Variants in SYNDIG1L observed in about 807,000 individuals in gnomAD.
The protein encoded by SYNDIG1L is synapse differentiation-inducing gene protein 1-like.
Under a neutral mutation model 20.1 loss-of-function variants are expected in SYNDIG1L, and 13 were observed. That is an observed-to-expected ratio of 0.65 (90% CI 0.42 to 1.03). SYNDIG1L has a LOEUF of 1.03. Among genes scored for constraint, SYNDIG1L ranks in the 50% least tolerant of loss-of-function variants. SYNDIG1L has a pLI of 0.00. For missense variants in SYNDIG1L, 294 were observed against 305.1 expected, an observed-to-expected ratio of 0.96 and a Z score of 0.27; for synonymous variants, 128 against 129.3, an observed-to-expected ratio of 0.99 and a Z score of 0.07.
the SYNDIG1L span, among the ~76,000 whole-genome samples, chr14:74,451,629 G>C: frequency 1.3e-5 from 2 of 152,292 alleles, no homozygotes; most frequent in Admixed American, 6.5e-5. Flanking sequence ...AGAACAAAAA[G>C]ATAAGCCATT....
intron 1 of SYNDIG1L, among the ~76,000 whole-genome samples, chr14:74,415,060 G>T (rs1054172596): frequency 5.9e-5 from 9 of 152,164 alleles, no homozygotes; most frequent in African/African-American, 2.2e-4. Context: ...AAACCTCAGG[G>T]CTGGGGGTGA....
At chr14:74,479,265 G>C in the SYNDIG1L span, 6 of 152,272 alleles carry the variant, frequency 3.9e-5, no homozygotes, top group Admixed American at 1.3e-4. Flanking sequence ...GAAATCCAAG[G>C]GTCTAGTGAA....
At chr14:74,420,260 G>T (rs190733525) in intron 1 of SYNDIG1L, among the ~76,000 whole-genome samples, 2 of 152,062 alleles carry the variant, frequency 1.3e-5, no homozygotes, top group Admixed American at 6.5e-5. Flanking sequence ...ACCAGGTGTG[G>T]TGGCGTGCAC....
chr14:74,450,220 A>C, the SYNDIG1L span, among the ~76,000 whole-genome samples: 1 of 152,154 alleles, frequency 6.6e-6, no homozygotes, highest in South Asian at 2.1e-4. Context: ...TTGAATTTGC[A>C]GTTAAAAATC....
At chr14:74,419,348 C>A (rs1284646965) in intron 1 of SYNDIG1L, among the ~76,000 whole-genome samples, 2 of 152,194 alleles carry the variant, frequency 1.3e-5, no homozygotes, top group Non-Finnish European at 2.9e-5. Flanking sequence ...TTGCTCCTCC[C>A]TGCATTCCCT....
At chr14:74,422,371 G>A (rs2086229373) in intron 1 of SYNDIG1L, among the ~76,000 whole-genome samples, 1 of 152,114 alleles carries the variant, frequency 6.6e-6, no homozygotes, top group Admixed American at 6.5e-5. Flanking sequence ...CATATGAGAT[G>A]CCAGCTGAGT....
At chr14:74,426,298 G>A (rs964642256), upstream of SYNDIG1L, among the ~76,000 whole-genome samples, 2 of 152,090 alleles carry the variant, frequency 1.3e-5, no homozygotes, top group Admixed American at 1.3e-4. Context: ...TCCCTTCCAC[G>A]CTCCGGAATC....
intron 1 of SYNDIG1L, among the ~76,000 whole-genome samples, chr14:74,421,179 G>A (rs1181476838): frequency 6.6e-6 from 1 of 152,068 alleles, no homozygotes; most frequent in Non-Finnish European, 1.5e-5. Flanking sequence ...ACAATAACAG[G>A]CTGCTATGAA....
At chr14:74,458,587 A>T in the SYNDIG1L span, among the ~76,000 whole-genome samples, 5 of 144,604 alleles carry the variant, frequency 3.5e-5, no homozygotes, top group East Asian at 1.0e-3. Flanking sequence ...GCACCATTGC[A>T]CTCCAGCCCA....
chr14:74,453,908 G>A, the SYNDIG1L span, among the ~76,000 whole-genome samples: 1 of 152,174 alleles, frequency 6.6e-6, no homozygotes, highest in Non-Finnish European at 1.5e-5. Context: ...GGAGGTTGCA[G>A]TGAGCTGAGA....
At chr14:74,422,655 A>G (rs1329343213) in intron 1 of SYNDIG1L, among the ~76,000 whole-genome samples, 1 of 138,298 alleles carries the variant, frequency 7.2e-6, no homozygotes, top group African/African-American at 2.6e-5. Flanking sequence ...CTCTCTCTTC[A>G]CACACACACA....
At chr14:74,450,452 T>A in the SYNDIG1L span, among the ~76,000 whole-genome samples, 1 of 152,190 alleles carries the variant, frequency 6.6e-6, no homozygotes, top group Admixed American at 6.5e-5. Context: ...TTTAGCAAGT[T>A]GAATTCAACA....
At chr14:74,427,552 C>T (rs1443704478), upstream of SYNDIG1L, among the ~76,000 whole-genome samples, 2 of 152,072 alleles carry the variant, frequency 1.3e-5, no homozygotes, top group South Asian at 2.1e-4. Context: ...CAGAGAACTC[C>T]CTTATCCTGG....
the SYNDIG1L span, among the ~76,000 whole-genome samples, chr14:74,434,040 G>A: frequency 3.7e-3 from 568 of 152,120 alleles, 3 homozygotes; most frequent in African/African-American, 0.013. Flanking sequence ...AAAAAAGCAG[G>A]TTACAAAATT....
upstream of SYNDIG1L, among the ~76,000 whole-genome samples, chr14:74,430,412 A>G (rs1286929666): frequency 1.3e-5 from 2 of 150,994 alleles, no homozygotes; most frequent in African/African-American, 4.9e-5. Context: ...ATGGTAACAA[A>G]ATGAAAATGA....
chr14:74,432,003 C>T, the SYNDIG1L span, among the ~76,000 whole-genome samples: 1 of 152,046 alleles, frequency 6.6e-6, no homozygotes, highest in Non-Finnish European at 1.5e-5. Flanking sequence ...GGGAGCACCA[C>T]CCTGGGGGCT....
intron 1 of SYNDIG1L, among the ~76,000 whole-genome samples, chr14:74,420,136 C>G (rs1371174780): frequency 6.6e-6 from 1 of 152,020 alleles, no homozygotes; most frequent in Non-Finnish European, 1.5e-5. Context: ...GTGGCTCACA[C>G]CTGCAATCCC....
rs149991776 is a variant in SYNDIG1L at position 74,421,158 on chromosome 14, G to A, written c.-58+4754C>T. On this transcript the variant is annotated intron_variant, in intron 1 of 3. Coordinates refer to ENST00000331628, the MANE Select transcript of SYNDIG1L (RefSeq NM_001105579.2). ...CCTCAGGCAGATATAAAAGAACACT[G>A]CATCTATGAAACAATAACAGGCTGC... Among the ~76,000 whole-genome samples the A allele has an allele frequency of 1.9e-3, 284 of 152,166 alleles. 1 individual carries two copies. Among genetic ancestry groups the A allele is most frequent in the Middle Eastern group, 6.8e-3 (2 of 294 alleles).
chr14:74,423,200 C>T (rs959903852), intron 1 of SYNDIG1L, among the ~76,000 whole-genome samples: 6 of 152,102 alleles, frequency 3.9e-5, no homozygotes, highest in African/African-American at 1.4e-4. Context: ...GGGTAGTTTT[C>T]CCCGGTCAGG....
Sources: gnomAD v4.1 joint callset for allele counts (sites outside exome capture counted in the v4.1 genomes callset) on GRCh38, gnomAD v4.1.1 for gene constraint, MANE v1.5 for transcripts, NCBI Gene and HGNC (gene_info 2026-07-23, HGNC 2026-07-21) for gene names.